The following LHFPL3 variants were observed in gnomAD, a reference collection of about 807,000 sequenced individuals.
LHFPL3 encodes LHFPL tetraspan subfamily member 3 protein.
A neutral mutation model predicts 19.3 loss-of-function variants in LHFPL3; 5 were observed. The ratio of observed to expected loss-of-function variants is 0.26; its 90% confidence interval spans 0.14 to 0.54. The LOEUF (loss-of-function observed/expected upper bound fraction) is 0.54, where lower values mean the gene tolerates loss of function less well. LHFPL3 is among the 20% of genes least tolerant of loss of function. The pLI is 0.94. For synonymous variants in LHFPL3, 133 were observed against 126.2 expected, an observed-to-expected ratio of 1.05 and a Z score of -0.36; for missense variants, 249 against 307.4, an observed-to-expected ratio of 0.81 and a Z score of 1.42.
chr7:104,805,823 G>A (rs1406967456), intron 2 of LHFPL3, among the ~76,000 whole-genome samples: 2 of 152,124 alleles, frequency 1.3e-5, no homozygotes, highest in Non-Finnish European at 2.9e-5. Context: ...TTTTAGTCTG[G>A]ATCCCTCTAG....
At chr7:104,766,110 A>G (rs770354377) in intron 2 of LHFPL3, among the ~76,000 whole-genome samples, 2 of 152,244 alleles carry the variant, frequency 1.3e-5, no homozygotes, top group Non-Finnish European at 2.9e-5. Flanking sequence ...ATATGATGAT[A>G]CGGAATGATC....
At chr7:104,769,649 C>T (rs998504401) in intron 2 of LHFPL3, among the ~76,000 whole-genome samples, 25 of 150,710 alleles carry the variant, frequency 1.7e-4, no homozygotes, top group South Asian at 1.5e-3. Flanking sequence ...GTGATGTTCC[C>T]CTCCCTGTGT....
intron 1 of LHFPL3, among the ~76,000 whole-genome samples, chr7:104,665,054 A>T (rs1792305516): frequency 6.6e-6 from 1 of 152,246 alleles, no homozygotes. Flanking sequence ...TACTGTGTTC[A>T]TGGGAATAAA....
chr7:104,474,859 A>G (rs2115631481), intron 1 of LHFPL3, among the ~76,000 whole-genome samples: 1 of 152,284 alleles, frequency 6.6e-6, no homozygotes, highest in African/African-American at 2.4e-5. Flanking sequence ...AGTGAAGGGT[A>G]TAGAGGAAGC....
At chr7:104,849,337 A>AAACT (rs1791371265) in intron 2 of LHFPL3, among the ~76,000 whole-genome samples, 1 of 152,304 alleles carries the variant, frequency 6.6e-6, no homozygotes, top group African/African-American at 2.4e-5. Flanking sequence ...GGAAACCCCA[A>AAACT]AACTAACTGA....
chr7:104,720,695 GA>G (rs943932833), intron 1 of LHFPL3, among the ~76,000 whole-genome samples: 3 of 151,498 alleles, frequency 2.0e-5, no homozygotes, highest in Non-Finnish European at 4.4e-5. Flanking sequence ...AAATTTACAA[GA>G]AAAAAAACAC....
At chr7:104,428,423 C>G (rs1347917008) in intron 1 of LHFPL3, among the ~76,000 whole-genome samples, 1 of 152,140 alleles carries the variant, frequency 6.6e-6, no homozygotes, top group African/African-American at 2.4e-5. Context: ...TAAGAGGTAA[C>G]AAAGGAGCCG....
At chr7:104,706,324 A>G (rs762783934) in intron 1 of LHFPL3, among the ~76,000 whole-genome samples, 14 of 152,058 alleles carry the variant, frequency 9.2e-5, no homozygotes, top group Non-Finnish European at 1.9e-4. Flanking sequence ...ATTACTCACA[A>G]GCCTCTGACA....
chr7:104,475,646 A>G (rs1248605741), intron 1 of LHFPL3, among the ~76,000 whole-genome samples: 3 of 152,226 alleles, frequency 2.0e-5, no homozygotes, highest in Non-Finnish European at 4.4e-5. Context: ...AAGTATGTCT[A>G]TGAAACATTC....
intron 2 of LHFPL3, among the ~76,000 whole-genome samples, chr7:104,803,148 T>C (rs1790287700): frequency 1.3e-5 from 2 of 152,230 alleles, no homozygotes; most frequent in Non-Finnish European, 2.9e-5. Flanking sequence ...TCTTTGCACT[T>C]GCTATTTACC....
chr7:104,628,329 C>T (rs563291300), intron 1 of LHFPL3, among the ~76,000 whole-genome samples: 34 of 152,286 alleles, frequency 2.2e-4, no homozygotes, highest in Non-Finnish European at 4.3e-4. Flanking sequence ...GCTTTCCCTA[C>T]GTCACTGCCA....
intron 1 of LHFPL3, among the ~76,000 whole-genome samples, chr7:104,680,900 T>C (rs1379768394): frequency 6.6e-6 from 1 of 152,166 alleles, no homozygotes; most frequent in Non-Finnish European, 1.5e-5. Flanking sequence ...AAATTTAGCC[T>C]GGTGTGAAAT....
At chr7:104,493,839 C>T (rs954449934) in intron 1 of LHFPL3, among the ~76,000 whole-genome samples, 8 of 152,094 alleles carry the variant, frequency 5.3e-5, no homozygotes, top group Admixed American at 6.5e-5. Context: ...CCATGCTACA[C>T]ACCTCTGCTA....
intron 1 of LHFPL3, among the ~76,000 whole-genome samples, chr7:104,396,444 C>T (rs1377958658): frequency 2.0e-5 from 3 of 151,966 alleles, no homozygotes; most frequent in Admixed American, 2.0e-4. Flanking sequence ...GGCTGACTAA[C>T]CAACTGAAAG....
At chr7:104,383,029 G>A (rs979304375) in intron 1 of LHFPL3, among the ~76,000 whole-genome samples, 2 of 152,136 alleles carry the variant, frequency 1.3e-5, no homozygotes, top group African/African-American at 4.8e-5. Context: ...GCTAATACAT[G>A]GCAGAGCCAG....
chr7:104,864,861 C>G (rs1463571371), intron 2 of LHFPL3, among the ~76,000 whole-genome samples: 1 of 152,228 alleles, frequency 6.6e-6, no homozygotes, highest in Non-Finnish European at 1.5e-5. Context: ...CGGCCGGGTA[C>G]TCCTCTGAGA....
At position 104,675,128 on chromosome 7, in the gene LHFPL3, G is replaced by C. The variant is rs570088613; in HGVS notation, c.446-61547G>C. ...GAGAAAAATAAAGCAGAGTGGGAAG[G>C]AATCTCCATGGTGGGAGGCAGTATA... On this transcript the variant is annotated intron_variant, in intron 1 of 2. Coordinates refer to ENST00000424859, the MANE Select transcript of LHFPL3 (RefSeq NM_199000.3). Among the ~76,000 whole-genome samples the C allele has an allele frequency of 2.6e-4, 39 of 152,342 alleles. No homozygotes were observed. The South Asian group carries it at 6.6e-3, about 26-fold the overall frequency.
At chr7:104,588,068 C>T (rs563448634) in intron 1 of LHFPL3, among the ~76,000 whole-genome samples, 5 of 152,216 alleles carry the variant, frequency 3.3e-5, no homozygotes, top group African/African-American at 1.2e-4. Flanking sequence ...CTGTAGGTTG[C>T]CTGTTCACTC....
At chr7:104,582,654 G>A (rs988309631) in intron 1 of LHFPL3, among the ~76,000 whole-genome samples, 24 of 151,772 alleles carry the variant, frequency 1.6e-4, no homozygotes, top group Admixed American at 1.6e-3. Flanking sequence ...GTTTTGAATG[G>A]GTGTTGAATT....
Sources: allele counts gnomAD v4.1 joint callset (sites outside exome capture counted in the v4.1 genomes callset), GRCh38; gene constraint gnomAD v4.1.1; transcripts MANE v1.5; gene names NCBI Gene and HGNC (gene_info 2026-07-23, HGNC 2026-07-21).